NCKAP5: variants seen among roughly 807,000 people sequenced by gnomAD.
NCKAP5 encodes the protein NCK associated protein 5.
Under a neutral mutation model 167.0 loss-of-function variants are expected in NCKAP5, and 92 were observed. That is an observed-to-expected ratio of 0.55 (90% CI 0.47 to 0.66). The LOEUF is 0.66. NCKAP5 is among the 30% of genes least tolerant of loss of function. The pLI is 0.00. For missense variants in NCKAP5, 2,378 were observed against 2,315.0 expected (o/e 1.03, Z -0.56); for synonymous variants, 891 against 877.4 (o/e 1.02, Z -0.27).
chr2:133,188,584 C>G (rs1261972460), intron 5 of NCKAP5, among the ~76,000 whole-genome samples: 3 of 152,156 alleles, frequency 2.0e-5, no homozygotes, highest in Non-Finnish European at 4.4e-5. Context: ...AACAAACTGT[C>G]TCTCAGACCA....
At chr2:133,014,864 G>A (rs991207960) in intron 6 of NCKAP5, among the ~76,000 whole-genome samples, 1 of 152,140 alleles carries the variant, frequency 6.6e-6, no homozygotes, top group Non-Finnish European at 1.5e-5. Flanking sequence ...TTATAAGCAA[G>A]ATCTAAGATT....
At position 133,269,337 on chromosome 2, in the gene NCKAP5, T is replaced by C. The variant is rs1290749860; in HGVS notation, c.143+33700A>G. 2.0e-5 allele frequency among the ~76,000 whole-genome samples: 3 copies of C among 152,058 alleles called. No homozygotes were observed. In the South Asian group the frequency reaches 6.2e-4, roughly 32 times the overall value. On this transcript the variant is annotated intron_variant, in intron 4 of 19. Coordinates refer to ENST00000409261, the MANE Select transcript of NCKAP5 (RefSeq NM_207363.3). ...ATAATGTCTATTAGAAGGTAATCAG[T>C]GCAATAGAGAAAAATAAAGCAGAGT...
chr2:133,100,800 T>C (rs930745250), intron 6 of NCKAP5, among the ~76,000 whole-genome samples: 1 of 152,216 alleles, frequency 6.6e-6, no homozygotes, highest in Admixed American at 6.5e-5. Flanking sequence ...TTCCTTACAA[T>C]GGTTTTCCCA....
intron 8 of NCKAP5, among the ~76,000 whole-genome samples, chr2:132,892,513 C>A (rs1300263996): frequency 6.6e-6 from 1 of 152,084 alleles, no homozygotes; most frequent in Non-Finnish European, 1.5e-5. Context: ...GTTTTAGAAG[C>A]CTCACAGAGA....
chr2:132,992,660 T>C (rs1161685480), intron 7 of NCKAP5, among the ~76,000 whole-genome samples: 1 of 152,182 alleles, frequency 6.6e-6, no homozygotes, highest in Non-Finnish European at 1.5e-5. Context: ...TATGAAGAAT[T>C]CAGAGCTAGG....
At chr2:133,542,263 C>T (rs759488527) in intron 2 of NCKAP5, among the ~76,000 whole-genome samples, 6 of 152,152 alleles carry the variant, frequency 3.9e-5, no homozygotes, top group South Asian at 2.1e-4. Context: ...CCTACAGCTA[C>T]GTACTAAGTA....
chr2:133,019,436 C>G (rs780756710), intron 6 of NCKAP5, among the ~76,000 whole-genome samples: 1 of 152,072 alleles, frequency 6.6e-6, no homozygotes, highest in Non-Finnish European at 1.5e-5. Context: ...CAAACTTCAC[C>G]TGCTTTGAAT....
chr2:133,549,591 A>C (rs1190985882), intron 2 of NCKAP5, among the ~76,000 whole-genome samples: 1 of 150,096 alleles, frequency 6.7e-6, no homozygotes, highest in Admixed American at 6.7e-5. Flanking sequence ...GACGCATTCA[A>C]AGCAGTGTGT....
chr2:133,200,986 A>G (rs1489117817), intron 5 of NCKAP5, among the ~76,000 whole-genome samples: 2 of 152,212 alleles, frequency 1.3e-5, no homozygotes, highest in Non-Finnish European at 2.9e-5. Context: ...TATAATACAC[A>G]TGTACTTATG....
At chr2:133,476,548 A>G (rs781385373) in intron 3 of NCKAP5, among the ~76,000 whole-genome samples, 3 of 152,208 alleles carry the variant, frequency 2.0e-5, no homozygotes, top group African/African-American at 4.8e-5. Flanking sequence ...TGATGGCCCT[A>G]CATATTGCCT....
intron 6 of NCKAP5, among the ~76,000 whole-genome samples, chr2:133,069,206 C>T (rs905162357): frequency 6.6e-6 from 1 of 152,262 alleles, no homozygotes; most frequent in Admixed American, 6.5e-5. Context: ...AAATGTAAAG[C>T]ACTGGAAAAT....
intron 8 of NCKAP5, chr2:132,930,892 C>G (rs907079425): frequency 2.0e-5 from 3 of 152,072 alleles, no homozygotes; most frequent in African/African-American, 7.2e-5. Context: ...TTTTTTCTCA[C>G]CAACCACCCT....
intron 11 of NCKAP5, among the ~76,000 whole-genome samples, chr2:132,814,634 G>A (rs1686124002): frequency 6.6e-6 from 1 of 152,060 alleles, no homozygotes; most frequent in African/African-American, 2.4e-5. Flanking sequence ...GGAAGCTTCT[G>A]GAAACAGAAT....
intron 13 of NCKAP5, among the ~76,000 whole-genome samples, chr2:132,788,601 T>C (rs1683792034): frequency 6.6e-6 from 1 of 152,124 alleles, no homozygotes; most frequent in African/African-American, 2.4e-5. Context: ...CATTACATGA[T>C]CTAAGGCTTC....
At chr2:133,135,395 C>T (rs917424384) in intron 5 of NCKAP5, among the ~76,000 whole-genome samples, 8 of 151,756 alleles carry the variant, frequency 5.3e-5, no homozygotes, top group Admixed American at 2.6e-4. Flanking sequence ...TGGCATAGGA[C>T]GCAGGTGGAA....
the NCKAP5 span, among the ~76,000 whole-genome samples, chr2:133,622,616 C>T: frequency 6.6e-6 from 1 of 152,078 alleles, no homozygotes; most frequent in East Asian, 1.9e-4. Flanking sequence ...TGAAAGACCT[C>T]TACAAGGAAA....
intron 5 of NCKAP5, among the ~76,000 whole-genome samples, chr2:133,147,706 C>T (rs113542210): frequency 4.6e-5 from 7 of 152,110 alleles, no homozygotes; most frequent in Non-Finnish European, 1.0e-4. Flanking sequence ...GCCTCTTCCC[C>T]ATGGGTACAC....
chr2:132,714,157 A>G (rs945927648), intron 19 of NCKAP5, among the ~76,000 whole-genome samples: 1 of 152,190 alleles, frequency 6.6e-6, no homozygotes, highest in Non-Finnish European at 1.5e-5. Context: ...TCTCCCTTAG[A>G]CTGAATTTTA....
At chr2:133,249,543 A>G (rs773553721) in intron 4 of NCKAP5, among the ~76,000 whole-genome samples, 9 of 152,202 alleles carry the variant, frequency 5.9e-5, no homozygotes, top group Non-Finnish European at 1.3e-4. Flanking sequence ...ACAGGAAACC[A>G]ATACACTTTA....
Sources: gnomAD v4.1 joint callset for allele counts (sites outside exome capture counted in the v4.1 genomes callset) on GRCh38, gnomAD v4.1.1 for gene constraint, MANE v1.5 for transcripts, NCBI Gene and HGNC (gene_info 2026-07-23, HGNC 2026-07-21) for gene names.